The following ARHGAP22 variants were observed in gnomAD, a reference collection of about 807,000 sequenced individuals.
The protein encoded by ARHGAP22 is rho GTPase-activating protein 22.
ARHGAP22 carries 48 observed loss-of-function variants against 59.1 expected under a neutral mutation model. The observed-to-expected ratio is 0.81, with a 90% CI of 0.64 to 1.03. ARHGAP22 has a LOEUF of 1.03. Among genes scored for constraint, ARHGAP22 ranks in the 50% least tolerant of loss-of-function variants. ARHGAP22 has a pLI of 0.00. For synonymous variants in ARHGAP22, 445 were observed against 416.4 expected, an observed-to-expected ratio of 1.07 and a Z score of -0.84; for missense variants, 1,015 against 958.7, an observed-to-expected ratio of 1.06 and a Z score of -0.78.
chr10:48,639,958 G>T (rs1399854408), intron 1 of ARHGAP22, among the ~76,000 whole-genome samples: 1 of 152,138 alleles, frequency 6.6e-6, no homozygotes, highest in East Asian at 1.9e-4. Context: ...AAAGAAACAT[G>T]ATTGAAGAAT....
At chr10:48,481,743 T>A (rs1333635525) in intron 3 of ARHGAP22, among the ~76,000 whole-genome samples, 1 of 152,220 alleles carries the variant, frequency 6.6e-6, no homozygotes, top group Non-Finnish European at 1.5e-5. Context: ...CCGCCAGCTG[T>A]GTATGACAGT....
At chr10:48,600,548 A>G (rs1368609832) in intron 1 of ARHGAP22, among the ~76,000 whole-genome samples, 2 of 136,808 alleles carry the variant, frequency 1.5e-5, no homozygotes, top group Non-Finnish European at 3.0e-5. Flanking sequence ...CCAGAGGAGT[A>G]TTCAAAAAAA....
At chr10:48,500,614 G>A (rs547308269) in intron 3 of ARHGAP22, among the ~76,000 whole-genome samples, 29 of 152,178 alleles carry the variant, frequency 1.9e-4, no homozygotes, top group South Asian at 1.2e-3. Context: ...AAGGCCAGGC[G>A]CCGTAGTTCA....
At chr10:48,509,023 C>CG (rs761023544) in intron 3 of ARHGAP22, among the ~76,000 whole-genome samples, 1 of 152,218 alleles carries the variant, frequency 6.6e-6, no homozygotes, top group South Asian at 2.1e-4. Flanking sequence ...AGAGAATGCC[C>CG]GCGGCTCTGA....
In ARHGAP22 at chr10:48,446,074, C is replaced by A; in HGVS notation, c.*317G>T. On this transcript the variant is annotated 3_prime_UTR_variant, in exon 10 of 10. Transcript: ENST00000249601. ...CATTTAATAAAGAAAGCTGACTGTT[C>A]CCGGTGGCTGCCTGGATCCTGGGCG... 1 of 408,140 alleles carries A rather than the reference C, an allele frequency of 2.5e-6. No homozygotes were observed. The highest frequency in any genetic ancestry group is 4.5e-5 in the East Asian group (1 of 22,084). 25.3% of individuals were successfully genotyped at this position (408,140 alleles called of 1,614,324 possible).
chr10:48,479,327 C>G, intron 4 of ARHGAP22: 2 of 488,248 alleles, frequency 4.1e-6, no homozygotes, highest in Non-Finnish European at 7.2e-6. Context: ...TACCATCCCT[C>G]CCACAGAGAA....
rs1056327296 is a variant in ARHGAP22, at chr10:48,479,653, C to T, written c.434G>A (p.Trp145Ter). ...DWVQAIRRVI[W>*]APLGGGIFGQ... ...GGCAGTACCTCCGCCCAGCGGGGCC[C>T]AGATGACTCGGCGGATGGCCTGCAC... Residue 145 changes from tryptophan (W) to a stop codon, truncating the protein, a stop_gained, in exon 4 of 10, where the codon TGG becomes TAG. Coordinates refer to ENST00000249601, the MANE Select transcript of ARHGAP22 (RefSeq NM_021226.4). LOFTEE classifies it high-confidence loss of function. 1 of 1,613,772 alleles carries T rather than the reference C, an allele frequency of 6.2e-7. No individual in the cohort carries two copies. The highest frequency in any genetic ancestry group is 8.5e-7 in the Non-Finnish European group (1 of 1,179,956).
At chr10:48,483,620 T>C (rs913975056) in intron 3 of ARHGAP22, among the ~76,000 whole-genome samples, 1 of 152,168 alleles carries the variant, frequency 6.6e-6, no homozygotes, top group Non-Finnish European at 1.5e-5. Flanking sequence ...TAAGATGATA[T>C]CTCATTGTGG....
chr10:48,478,945 G>C (rs1205821937), intron 4 of ARHGAP22: 1 of 152,610 alleles, frequency 6.6e-6, no homozygotes, highest in Non-Finnish European at 1.5e-5. Context: ...CTCAGGTCCT[G>C]TGTGTCTCCT....
chr10:48,598,497 C>G (rs1251848714), intron 1 of ARHGAP22, among the ~76,000 whole-genome samples: 1 of 152,068 alleles, frequency 6.6e-6, no homozygotes, highest in Non-Finnish European at 1.5e-5. Context: ...AGCAGAGGAA[C>G]CCAGCTCTCC....
intron 1 of ARHGAP22, among the ~76,000 whole-genome samples, chr10:48,649,969 T>C (rs953936977): frequency 3.4e-5 from 5 of 146,848 alleles, no homozygotes; most frequent in Non-Finnish European, 7.5e-5. Flanking sequence ...TAATCTCCAT[T>C]AGCTGAGAAA....
chr10:48,473,277 G>A (rs1167338270), intron 4 of ARHGAP22, among the ~76,000 whole-genome samples: 1 of 152,004 alleles, frequency 6.6e-6, no homozygotes, highest in Non-Finnish European at 1.5e-5. Flanking sequence ...TACATGAGGT[G>A]CTTAGAGCAG....
chr10:48,580,914 C>T (rs981430166), intron 2 of ARHGAP22, among the ~76,000 whole-genome samples: 10 of 123,892 alleles, frequency 8.1e-5, no homozygotes, highest in African/African-American at 3.1e-4. Context: ...CTCCATTTTA[C>T]AAATGATACA....
At chr10:48,645,542 C>T (rs2062257123) in intron 1 of ARHGAP22, among the ~76,000 whole-genome samples, 1 of 151,910 alleles carries the variant, frequency 6.6e-6, no homozygotes, top group Admixed American at 6.6e-5. Context: ...AGGACAAAAC[C>T]CATATAATCA....
At chr10:48,654,798 C>CT (rs879944982), upstream of ARHGAP22, among the ~76,000 whole-genome samples, 8 of 139,360 alleles carry the variant, frequency 5.7e-5, no homozygotes, top group African/African-American at 2.3e-4. Context: ...TTCTTTCTTT[C>CT]TTTCTTTCTT....
Position 48,636,303 on chromosome 10 carries a change from C to G in ARHGAP22, c.52+15931G>C, listed in dbSNP as rs543221917. On this transcript the variant is annotated intron_variant, in intron 1 of 9. Coordinates refer to the ARHGAP22 transcript ENST00000435790. ...ATTCAGGGTGTCTGGGTCTTTCCAGCCCAGCCCTGCATCCATGCTGTCTGT... is the reference window on the plus strand; with the variant it reads ...ATTCAGGGTGTCTGGGTCTTTCCAGGCCAGCCCTGCATCCATGCTGTCTGT... Among the ~76,000 whole-genome samples, 17 of 152,342 alleles carry G rather than the reference C, an allele frequency of 1.1e-4. No individual in the cohort carries two copies. In the South Asian group the frequency reaches 1.4e-3, roughly 13 times the overall value.
At chr10:48,624,632 A>G (rs2061387014) in intron 1 of ARHGAP22, among the ~76,000 whole-genome samples, 1 of 152,184 alleles carries the variant, frequency 6.6e-6, no homozygotes, top group African/African-American at 2.4e-5. Context: ...TGGAAATTGC[A>G]GGCATTGGAT....
the ARHGAP22 span, among the ~76,000 whole-genome samples, chr10:48,434,246 T>C: frequency 2.0e-5 from 3 of 152,238 alleles, no homozygotes; most frequent in Non-Finnish European, 4.4e-5. Flanking sequence ...GACCCAAGTT[T>C]ACTTAACTAG....
rs185732981 is a variant in ARHGAP22 at position 48,513,318 on chromosome 10, T to A, written c.323-33554A>T. On this transcript the variant is annotated intron_variant, in intron 3 of 9. Coordinates refer to ENST00000249601, the MANE Select transcript of ARHGAP22 (RefSeq NM_021226.4). Reference sequence around the variant, plus strand: ...ATACTCCTAGAGATCCAGAAAGCCATATGCCTGAGCAGCGCTATGCCATTG... The same window carrying A: ...ATACTCCTAGAGATCCAGAAAGCCAAATGCCTGAGCAGCGCTATGCCATTG... 1.8e-4 allele frequency among the ~76,000 whole-genome samples: 27 copies of A among 152,352 alleles called. 1 individual carries two copies. In the East Asian group the frequency reaches 5.0e-3, roughly 28 times the overall value.
Sources: allele counts gnomAD v4.1 joint callset (sites outside exome capture counted in the v4.1 genomes callset), GRCh38; gene constraint gnomAD v4.1.1; transcripts MANE v1.5; gene names NCBI Gene and HGNC (gene_info 2026-07-23, HGNC 2026-07-21).